GRAMD2A: variants seen among roughly 807,000 people sequenced by gnomAD.
GRAMD2A encodes GRAM domain containing 2A, also known as GRAM domain-containing protein 2A.
Under a neutral mutation model 51.1 loss-of-function variants are expected in GRAMD2A, and 37 were observed. That is an observed-to-expected ratio of 0.72 (90% CI 0.56 to 0.95). GRAMD2A has a LOEUF of 0.95. Among genes scored for constraint, GRAMD2A ranks in the 40% least tolerant of loss-of-function variants. The pLI is 0.00. For synonymous variants in GRAMD2A, 136 were observed against 157.1 expected (o/e 0.87, Z 1.01); for missense variants, 414 against 426.9 (o/e 0.97, Z 0.27).
At chr15:72,196,295 C>T (rs1046040404) in intron 1 of GRAMD2A, among the ~76,000 whole-genome samples, 6 of 152,106 alleles carry the variant, frequency 3.9e-5, no homozygotes, top group Non-Finnish European at 5.9e-5. Context: ...GTGGGTGGAT[C>T]ACCTGAGGTC....
intron 1 of GRAMD2A, among the ~76,000 whole-genome samples, chr15:72,192,663 GT>G (rs1278071064): frequency 6.6e-6 from 1 of 152,218 alleles, no homozygotes; most frequent in Non-Finnish European, 1.5e-5. Flanking sequence ...GATGTGCCAT[GT>G]ACAGATGTTA....
At chr15:72,197,188 C>G (rs1437514729) in intron 1 of GRAMD2A, among the ~76,000 whole-genome samples, 1 of 152,084 alleles carries the variant, frequency 6.6e-6, no homozygotes, top group African/African-American at 2.4e-5. Context: ...GGCCTGGCGC[C>G]CGGGGGAGGC....
chr15:72,168,609 G>T, intron 3 of GRAMD2A, 43 bp from the exon 4 acceptor site: 1 of 1,530,480 alleles, frequency 6.5e-7, no homozygotes, highest in Non-Finnish European at 9.1e-7. Context: ...TGGGAGATGA[G>T]ACCGCCAAAG....
chr15:72,175,599 T>G (rs2140552155), intron 1 of GRAMD2A: 1 of 152,440 alleles, frequency 6.6e-6, no homozygotes. Context: ...AAGCCCCAGG[T>G]GAAACGTCAC....
chr15:72,178,625 G>C (rs560429410), intron 1 of GRAMD2A, among the ~76,000 whole-genome samples: 1 of 141,616 alleles, frequency 7.1e-6, no homozygotes, highest in Non-Finnish European at 1.5e-5. Context: ...GCCCAGGCTG[G>C]AGTGCAGTGG....
rs141226399 is a variant in GRAMD2A, at chr15:72,172,439, CAG to C, written c.42-2502_42-2501del. ...TAGCCTTTTTTTTTTTTTTTGGAGA[CAG>C]AGTCTTGCTCTGTCACCCAAGCTGG... On this transcript the variant is annotated intron_variant, in intron 1 of 11. Transcript: ENST00000309731. 9.5e-3 allele frequency among the ~76,000 whole-genome samples: 1,330 copies of C among 139,802 alleles called. 19 individuals carry two copies. Among genetic ancestry groups the C allele is most frequent in the African/African-American group, 0.034 (1,249 of 36,914 alleles). 91.7% of individuals were successfully genotyped at this position (139,802 alleles called of 152,430 possible). A position where few individuals can be genotyped will look rare whatever the true frequency, so the allele number is the denominator to read the frequency against.
At chr15:72,167,890 GC>G in intron 4 of GRAMD2A, 51 bp from the exon 5 acceptor site, 2 of 1,355,328 alleles carry the variant, frequency 1.5e-6, no homozygotes, top group South Asian at 1.2e-5. Context: ...AGCCCAGGAA[GC>G]CCCAGGACCT....
chr15:72,168,604 G>GA, intron 3 of GRAMD2A, 38 bp from the exon 4 acceptor site: 1 of 1,561,488 alleles, frequency 6.4e-7, no homozygotes, highest in Non-Finnish European at 8.8e-7. Flanking sequence ...AGCGCTGGGA[G>GA]ATGAGACCGC....
chr15:72,175,747 C>G (rs2081647970), intron 1 of GRAMD2A: 1 of 152,278 alleles, frequency 6.6e-6, no homozygotes, highest in Admixed American at 6.5e-5. Flanking sequence ...CATCTGTGTC[C>G]CCCAGTTGAC....
Position 72,168,579 on chromosome 15 carries a change from A to G in GRAMD2A, c.193-13T>C, listed in dbSNP as rs1240378385. ...TATTCAGTGTTATCTGCAAACACAC[A>G]GGCTGCGTCTGAGAAGCGCTGGGAG... On this transcript the variant is annotated splice_polypyrimidine_tract_variant and intron_variant, in intron 3 of 11. Transcript: ENST00000309731. 3 of 1,611,064 alleles carry G rather than the reference A, an allele frequency of 1.9e-6. No homozygotes were observed. The highest frequency in any genetic ancestry group is 1.1e-5 in the South Asian group (1 of 91,008).
chr15:72,186,555 C>A (rs1055233254), intron 1 of GRAMD2A, among the ~76,000 whole-genome samples: 2 of 152,150 alleles, frequency 1.3e-5, no homozygotes, highest in Admixed American at 6.5e-5. Context: ...AATCTCCTGA[C>A]CTCGTGATCT....
In GRAMD2A at chr15:72,170,341, C is replaced by T. The variant is rs770924446; in HGVS notation, c.42-402G>A. ...AGAACAAAAGTGTCCAAAGTACCCG[C>T]GCAGCATGACTGTAAACCATCAGGT... On this transcript the variant is annotated intron_variant, in intron 1 of 11. Transcript: ENST00000309731. This position sits in a 1 kb window ranked among gnomAD's most constrained non-coding sequence, Gnocchi z 4.5. 5 of 459,814 alleles carry T rather than the reference C, an allele frequency of 1.1e-5. No individual in the cohort carries two copies. Among genetic ancestry groups the T allele is most frequent in the African/African-American group, 4.0e-5 (2 of 50,260 alleles). 28.5% of individuals were successfully genotyped at this position (459,814 alleles called of 1,614,324 possible).
intron 1 of GRAMD2A, among the ~76,000 whole-genome samples, chr15:72,195,074 GC>G (rs2081795126): frequency 6.6e-6 from 1 of 152,142 alleles, no homozygotes; most frequent in African/African-American, 2.4e-5. Flanking sequence ...GGCTTCACTG[GC>G]CCAAATTTTT....
At chr15:72,174,475 C>T (rs2081637525) in intron 1 of GRAMD2A, among the ~76,000 whole-genome samples, 1 of 152,194 alleles carries the variant, frequency 6.6e-6, no homozygotes, top group Non-Finnish European at 1.5e-5. Flanking sequence ...TCCCCATGCC[C>T]CAGCTGTGGA....
Position 72,174,008 on chromosome 15 carries a change from T to G in GRAMD2A, c.42-4069A>C, listed in dbSNP as rs1596688557. 5 of 150,986 alleles carry G rather than the reference T, an allele frequency of 3.3e-5. 1 individual carries two copies. Among genetic ancestry groups the G allele is most frequent in the African/African-American group, 1.2e-4 (5 of 41,180 alleles). 9.4% of individuals were successfully genotyped at this position (150,986 alleles called of 1,614,324 possible). A position where few individuals can be genotyped will look rare whatever the true frequency, so the allele number is the denominator to read the frequency against. On this transcript the variant is annotated intron_variant, in intron 1 of 11. Coordinates refer to ENST00000309731, the MANE Select transcript of GRAMD2A (RefSeq NM_001012642.3). ...AGGATGGTTGCAAGCCATTCCTTTC[T>G]GTTTGCCCACTGAAGCCAGTTCCTC... is the stretch of plus-strand genomic sequence containing the variant.
Position 72,163,419 on chromosome 15 carries a change from G to T in GRAMD2A, c.803C>A (p.Pro268Gln). The change falls in exon 10 of 12, where the codon CCA becomes CAA. Residue 268 changes from proline (P) to glutamine (Q), a missense_variant. Physicochemically the swap from Pro to Gln is moderately conservative, Grantham distance 76. Transcript: ENST00000309731. Reference protein sequence around the residue: ...ENGGRWAWPMPGWGPACPKKM... With the variant: ...ENGGRWAWPMQGWGPACPKKM... ...CTTAGGGCAGGCAGGACCCCAGCCT[G>T]GCATGGGCCATGCCCACCTCCCACC... 6.2e-7 allele frequency: 1 copy of T among 1,614,190 alleles called. No individual in the cohort carries two copies. The highest frequency in any genetic ancestry group is 8.5e-7 in the Non-Finnish European group (1 of 1,180,018).
intron 7 of GRAMD2A, among the ~76,000 whole-genome samples, chr15:72,165,868 G>GT (rs971898240): frequency 1.8e-3 from 266 of 148,622 alleles, no homozygotes; most frequent in East Asian, 6.3e-3. Flanking sequence ...TTTGTTTTTT[G>GT]TTTTTTTTTG....
intron 1 of GRAMD2A, among the ~76,000 whole-genome samples, chr15:72,190,969 G>C (rs2140560999): frequency 6.6e-6 from 1 of 152,238 alleles, no homozygotes; most frequent in Admixed American, 6.5e-5. Context: ...CAAGAACTCA[G>C]GAACCAACTT....
chr15:72,167,962 C>G (rs1362246881), intron 4 of GRAMD2A, 123 bp from the exon 5 acceptor site: 1 of 705,544 alleles, frequency 1.4e-6, no homozygotes, highest in Non-Finnish European at 2.5e-6. Context: ...CAGACTCCCC[C>G]TTCCCCACCG....
Sources: allele counts gnomAD v4.1 joint callset (sites outside exome capture counted in the v4.1 genomes callset), GRCh38; gene constraint gnomAD v4.1.1; non-coding constraint Gnocchi (gnomAD v3.1); transcripts MANE v1.5; gene names NCBI Gene and HGNC (gene_info 2026-07-23, HGNC 2026-07-21).